The following PRELID2 variants were observed in gnomAD, a reference collection of about 807,000 sequenced individuals.
PRELID2 encodes PRELI domain-containing protein 2.
A neutral mutation model predicts 28.4 loss-of-function variants in PRELID2; 25 were observed. The observed-to-expected ratio is 0.88, with a 90% CI of 0.64 to 1.23. The LOEUF is 1.23. PRELID2 is among the 50% of genes most tolerant of loss of function. PRELID2 has a pLI of 0.00. For missense variants in PRELID2, 201 were observed against 214.4 expected (o/e 0.94, Z 0.39); for synonymous variants, 76 against 71.6 (o/e 1.06, Z -0.31).
chr5:145,517,960 G>T (rs1026951667), intron 1 of PRELID2, among the ~76,000 whole-genome samples: 1 of 151,936 alleles, frequency 6.6e-6, no homozygotes, highest in Non-Finnish European at 1.5e-5. Flanking sequence ...ATGGACACAG[G>T]GTTGGGAACA....
chr5:145,681,047 G>T (rs1581052849), intron 1 of PRELID2, among the ~76,000 whole-genome samples: 1 of 152,306 alleles, frequency 6.6e-6, no homozygotes, highest in East Asian at 1.9e-4. Flanking sequence ...CTGGGGTTGG[G>T]ATGCTTCTGT....
chr5:145,740,997 ATAT>A (rs1428866315), intron 1 of PRELID2, among the ~76,000 whole-genome samples: 19 of 116,126 alleles, frequency 1.6e-4, no homozygotes, highest in African/African-American at 6.5e-4. Flanking sequence ...AATAAAATAT[ATAT>A]TATATATTTG....
chr5:145,258,991 C>G, the PRELID2 span, among the ~76,000 whole-genome samples: 2 of 152,174 alleles, frequency 1.3e-5, no homozygotes, highest in African/African-American at 4.8e-5. Context: ...GTCACTCCAG[C>G]TCCAGTCCAG....
intron 1 of PRELID2, among the ~76,000 whole-genome samples, chr5:145,512,563 G>A (rs752069528): frequency 2.4e-4 from 36 of 152,220 alleles, no homozygotes; most frequent in Non-Finnish European, 4.3e-4. Context: ...TGCAGCTTCA[G>A]CAGACTTAAA....
the PRELID2 span, among the ~76,000 whole-genome samples, chr5:145,420,299 T>C: frequency 1.3e-5 from 2 of 152,148 alleles, no homozygotes; most frequent in Non-Finnish European, 2.9e-5. Context: ...GGGGATGGCA[T>C]TGAATCTGTA....
intron 1 of PRELID2, among the ~76,000 whole-genome samples, chr5:145,615,337 T>G (rs1467143099): frequency 3.0e-5 from 4 of 132,698 alleles, no homozygotes; most frequent in East Asian, 2.2e-4. Flanking sequence ...GTTTTTTTTT[T>G]TTTTTTTTGA....
At chr5:145,447,050 A>AAATAAAT in the PRELID2 span, among the ~76,000 whole-genome samples, 3 of 140,236 alleles carry the variant, frequency 2.1e-5, no homozygotes, top group East Asian at 2.0e-4. Context: ...ACTCCATCTC[A>AAATAAAT]AAATAAATAA....
chr5:145,354,788 T>C, the PRELID2 span, among the ~76,000 whole-genome samples: 1 of 152,166 alleles, frequency 6.6e-6, no homozygotes, highest in African/African-American at 2.4e-5. Context: ...TAATGAATCA[T>C]CTTGAACTTT....
At chr5:145,299,636 T>TGTGTGC in the PRELID2 span, among the ~76,000 whole-genome samples, 1 of 102,670 alleles carries the variant, frequency 9.7e-6, no homozygotes, top group South Asian at 2.8e-4. Flanking sequence ...TACATATATA[T>TGTGTGC]GTGTGTGCGT....
At chr5:145,392,761 C>T in the PRELID2 span, among the ~76,000 whole-genome samples, 1 of 152,178 alleles carries the variant, frequency 6.6e-6, no homozygotes, top group African/African-American at 2.4e-5. Flanking sequence ...AGTCTACATG[C>T]TCTCTAGCCA....
At chr5:145,509,750 C>T (rs886326229) in intron 1 of PRELID2, among the ~76,000 whole-genome samples, 6 of 152,182 alleles carry the variant, frequency 3.9e-5, no homozygotes, top group Non-Finnish European at 8.8e-5. Context: ...AAAGCAGATG[C>T]TGTTTTCTTC....
Position 145,574,282 on chromosome 5 carries a change from C to G in PRELID2, n.71-100967G>C, listed in dbSNP as rs1444320543. On this transcript the variant is annotated intron_variant and non_coding_transcript_variant, in intron 1 of 2. Coordinates refer to the PRELID2 transcript ENST00000510259. ...AAGGAAATAGACTCTTCCCTAGAGA[C>G]TCCAGAAATTAATGCAACTCTGCTG... 3.3e-4 allele frequency among the ~76,000 whole-genome samples: 50 copies of G among 152,184 alleles called. 1 individual carries two copies. Among genetic ancestry groups the G allele is most frequent in the Non-Finnish European group, 1.6e-4 (11 of 68,036 alleles).
At chr5:145,326,526 T>C in the PRELID2 span, among the ~76,000 whole-genome samples, 2 of 152,228 alleles carry the variant, frequency 1.3e-5, no homozygotes, top group Admixed American at 1.3e-4. Context: ...TTGTCTCGTA[T>C]ATGTTTATAG....
the PRELID2 span, among the ~76,000 whole-genome samples, chr5:145,412,297 G>A: frequency 6.6e-6 from 1 of 152,076 alleles, no homozygotes; most frequent in Non-Finnish European, 1.5e-5. Context: ...TGCTGCTTAG[G>A]AAATTCTTTT....
the PRELID2 span, among the ~76,000 whole-genome samples, chr5:145,408,197 G>A: frequency 6.6e-6 from 1 of 151,946 alleles, no homozygotes; most frequent in African/African-American, 2.4e-5. Flanking sequence ...CTATGCAAAT[G>A]AGAAGGAACC....
At chr5:145,698,479 G>A (rs1393660133) in intron 1 of PRELID2, among the ~76,000 whole-genome samples, 1 of 152,158 alleles carries the variant, frequency 6.6e-6, no homozygotes, top group African/African-American at 2.4e-5. Flanking sequence ...TGGCTAACAA[G>A]CAACAGAATC....
the PRELID2 span, among the ~76,000 whole-genome samples, chr5:145,245,155 T>C: frequency 6.6e-6 from 1 of 152,108 alleles, no homozygotes; most frequent in African/African-American, 2.4e-5. Context: ...TAATATGTCC[T>C]GTAATTAAGA....
intron 1 of PRELID2, among the ~76,000 whole-genome samples, chr5:145,641,961 G>A (rs1754114989): frequency 6.6e-6 from 1 of 152,160 alleles, no homozygotes; most frequent in African/African-American, 2.4e-5. Flanking sequence ...TGTGAATAGT[G>A]CCGCAATATA....
At position 145,771,778 on chromosome 5, in the gene PRELID2, G is replaced by A. The variant is rs141354821; in HGVS notation, c.475-6778C>T. ...GCTGAGGCAGGAGAATTGCTTGAAC[G>A]TGGGAGGCGAAGATTGCGGTGAGCC... On this transcript the variant is annotated intron_variant, in intron 5 of 6. Coordinates refer to ENST00000683046, the MANE Select transcript of PRELID2 (RefSeq NM_205846.3). Among the ~76,000 whole-genome samples, 505 of 152,032 alleles carry A rather than the reference G, an allele frequency of 3.3e-3. 2 individuals are homozygous for A. The highest frequency in any genetic ancestry group is 0.011 in the African/African-American group (445 of 41,482).
Sources: allele counts gnomAD v4.1 joint callset (sites outside exome capture counted in the v4.1 genomes callset), GRCh38; gene constraint gnomAD v4.1.1; transcripts MANE v1.5; gene names NCBI Gene and HGNC (gene_info 2026-07-23, HGNC 2026-07-21).